The following ADGRD1 variants were observed in gnomAD, a reference collection of about 807,000 sequenced individuals.
ADGRD1 encodes the protein G-protein coupled receptor 133.
ADGRD1 carries 77 observed loss-of-function variants against 113.4 expected under a neutral mutation model. That is an observed-to-expected ratio of 0.68 (90% CI 0.57 to 0.82). The LOEUF (loss-of-function observed/expected upper bound fraction) is 0.82. ADGRD1 is among the 40% of genes least tolerant of loss of function. ADGRD1 has a pLI of 0.00. For synonymous variants in ADGRD1, 474 were observed against 475.0 expected (o/e 1.00, Z 0.03); for missense variants, 1,036 against 1,139.1 (o/e 0.91, Z 1.30).
At chr12:130,959,576 AT>A (rs1358631068) in intron 2 of ADGRD1, among the ~76,000 whole-genome samples, 4 of 152,274 alleles carry the variant, frequency 2.6e-5, no homozygotes, top group African/African-American at 9.6e-5. Context: ...GTCTCAAAAA[AT>A]ATCTATATAT....
At position 131,047,414 on chromosome 12, in the gene ADGRD1, C is replaced by A. The variant is rs552031288; in HGVS notation, c.1474-29387C>A. On this transcript the variant is annotated intron_variant, in intron 13 of 24. Coordinates refer to ENST00000261654, the MANE Select transcript of ADGRD1 (RefSeq NM_198827.5). ...TGAAGGGCAGATGGGTGGGAGCATT[C>A]CAGGAGCAGGCAGCCCCGGGCCCCC... Among the ~76,000 whole-genome samples, 88 of 152,306 alleles carry A rather than the reference C, an allele frequency of 5.8e-4. No individual in the cohort carries two copies. In the South Asian group the frequency reaches 0.017, roughly 30 times the overall value.
At chr12:131,130,012 G>T (rs1048607090) in intron 20 of ADGRD1, among the ~76,000 whole-genome samples, 1 of 152,256 alleles carries the variant, frequency 6.6e-6, no homozygotes, top group Non-Finnish European at 1.5e-5. Context: ...TTAGTCACGC[G>T]TTTGTCACTG....
Position 131,072,462 on chromosome 12 carries a change from T to G in ADGRD1, c.1474-4339T>G, listed in dbSNP as rs115303905. ...TGGGCTGTGCTTGTCTGCACAAGTC[T>G]ACCCCTCTGCCTGGTGTTTCTTGGC... On this transcript the variant is annotated intron_variant, in intron 13 of 24. Transcript: ENST00000261654. Among the ~76,000 whole-genome samples the G allele has an allele frequency of 2.0e-3, 299 of 152,364 alleles. 1 individual carries two copies. Among genetic ancestry groups the G allele is most frequent in the African/African-American group, 7.0e-3 (290 of 41,588 alleles).
chr12:131,091,456 G>A (rs1886902572), intron 15 of ADGRD1, among the ~76,000 whole-genome samples: 2 of 152,174 alleles, frequency 1.3e-5, no homozygotes, highest in African/African-American at 2.4e-5. Flanking sequence ...GTCACGAAAC[G>A]CGGTGTAACT....
rs555503173 is a variant in ADGRD1 at position 131,057,447 on chromosome 12, G to A, written c.1474-19354G>A. 5.3e-5 allele frequency among the ~76,000 whole-genome samples: 8 copies of A among 152,124 alleles called. No individual in the cohort carries two copies. Among genetic ancestry groups the A allele is most frequent in the East Asian group, 1.9e-4 (1 of 5,192 alleles). ...TAGTGGCTTTAAACAGCAGAAAGCC[G>A]TTCTCCTGCAGCTCTTGAGTCCACG... On this transcript the variant is annotated intron_variant, in intron 13 of 24. Coordinates refer to ENST00000261654, the MANE Select transcript of ADGRD1 (RefSeq NM_198827.5). This position sits in a 1 kb window ranked among gnomAD's most constrained non-coding sequence, Gnocchi z 4.2.
intron 18 of ADGRD1, among the ~76,000 whole-genome samples, chr12:131,110,806 A>C (rs987184785): frequency 2.6e-5 from 4 of 152,232 alleles, no homozygotes; most frequent in African/African-American, 9.6e-5. Flanking sequence ...CTTGTAAGGC[A>C]TGTCTGCTAG....
chr12:131,017,327 GCACACAGTC>G (rs1566033370), intron 13 of ADGRD1, among the ~76,000 whole-genome samples: 10 of 100,070 alleles, frequency 1.0e-4, no homozygotes, highest in African/African-American at 4.2e-4. Context: ...CACACCCAGT[GCACACAGTC>G]CACACACACC....
chr12:131,131,262 G>T (rs543185227), intron 20 of ADGRD1, among the ~76,000 whole-genome samples: 1 of 152,176 alleles, frequency 6.6e-6, no homozygotes, highest in South Asian at 2.1e-4. Flanking sequence ...TCTGTGGCTC[G>T]CACAGCCGCA....
intron 15 of ADGRD1, among the ~76,000 whole-genome samples, chr12:131,102,675 A>C (rs926029241): frequency 8.5e-5 from 13 of 152,182 alleles, no homozygotes; most frequent in Admixed American, 1.3e-4. Flanking sequence ...GGAAGCCAAG[A>C]TGGAGGCACA....
chr12:131,106,073 C>T (rs964519275), intron 17 of ADGRD1, among the ~76,000 whole-genome samples: 14 of 152,146 alleles, frequency 9.2e-5, no homozygotes, highest in Admixed American at 3.3e-4. Context: ...GTAAAGCTGC[C>T]GCTGCCGCCA....
intron 13 of ADGRD1, among the ~76,000 whole-genome samples, chr12:131,039,938 C>T (rs1335426940): frequency 2.0e-5 from 3 of 152,242 alleles, no homozygotes; most frequent in Non-Finnish European, 4.4e-5. Flanking sequence ...CCGGCGGTCC[C>T]TGAGGCCGGC....
At chr12:130,989,986 C>G (rs1220289357) in intron 6 of ADGRD1, 2 of 152,270 alleles carry the variant, frequency 1.3e-5, no homozygotes, top group African/African-American at 4.8e-5. Context: ...GACTGAGGAC[C>G]TGGCAGATTC....
chr12:131,006,103 G>A, intron 12 of ADGRD1, 56 bp downstream of exon 12: 2 of 1,473,806 alleles, frequency 1.4e-6, no homozygotes, highest in South Asian at 1.1e-5. Flanking sequence ...TTTGCTGGGT[G>A]GCTGGCCACA....
chr12:131,102,251 C>T (rs775697038), intron 15 of ADGRD1, among the ~76,000 whole-genome samples: 1 of 152,182 alleles, frequency 6.6e-6, no homozygotes, highest in African/African-American at 2.4e-5. Context: ...TCACCCACCG[C>T]GGCTATGCGA....
chr12:130,963,319 CAAAAAAAAA>C (rs61220467), intron 2 of ADGRD1, among the ~76,000 whole-genome samples: 7 of 75,012 alleles, frequency 9.3e-5, no homozygotes, highest in Admixed American at 1.7e-4. Context: ...GACTCCGTCT[CAAAAAAAAA>C]AAAAAAAAAA....
chr12:131,099,622 A>C (rs1055491978), intron 15 of ADGRD1, among the ~76,000 whole-genome samples: 1 of 152,198 alleles, frequency 6.6e-6, no homozygotes, highest in Admixed American at 6.5e-5. Context: ...TGGAAGAAGA[A>C]TGTATAACGT....
rs1283884197 is a variant in ADGRD1, at chr12:131,113,734, G to A, written c.2042-4651G>A. On this transcript the variant is annotated intron_variant, in intron 18 of 24. Coordinates refer to ENST00000261654, the MANE Select transcript of ADGRD1 (RefSeq NM_198827.5). The surrounding 1 kb of genome is among the most constrained non-coding windows in gnomAD (Gnocchi z 4.9). ...CGGACGTCCTCCGTCCTGCCTCACT[G>A]CTCATGCTGTATCATCACGAGGATG... 6.6e-6 allele frequency among the ~76,000 whole-genome samples: 1 copy of A among 152,158 alleles called. No individual in the cohort carries two copies. Among genetic ancestry groups the A allele is most frequent in the Non-Finnish European group, 1.5e-5 (1 of 68,024 alleles).
chr12:131,094,402 G>T (rs532704413), intron 15 of ADGRD1, among the ~76,000 whole-genome samples: 1 of 152,184 alleles, frequency 6.6e-6, no homozygotes, highest in Non-Finnish European at 1.5e-5. Flanking sequence ...CAGTCCTGTG[G>T]CTGTGGGCAC....
At chr12:131,054,217 G>A (rs1025417351) in intron 13 of ADGRD1, among the ~76,000 whole-genome samples, 1 of 152,220 alleles carries the variant, frequency 6.6e-6, no homozygotes, top group Non-Finnish European at 1.5e-5. Context: ...TGGTGAAGAC[G>A]ATGAACGTGT....
Sources: gnomAD v4.1 joint callset for allele counts (sites outside exome capture counted in the v4.1 genomes callset) on GRCh38, gnomAD v4.1.1 for gene constraint, Gnocchi (gnomAD v3.1) non-coding constraint, MANE v1.5 for transcripts, NCBI Gene and HGNC (gene_info 2026-07-23, HGNC 2026-07-21) for gene names.